OPCML: variants seen among roughly 807,000 people sequenced by gnomAD.
OPCML encodes opioid binding protein/cell adhesion molecule like.
In OPCML, 13 loss-of-function variants were observed where a neutral mutation model predicts 37.8. The ratio of observed to expected loss-of-function variants is 0.34; its 90% CI spans 0.22 to 0.55. The LOEUF (loss-of-function observed/expected upper bound fraction) is 0.55. Among genes scored for constraint, OPCML ranks in the 20% least tolerant of loss-of-function variants. OPCML has a pLI of 0.91. For synonymous variants in OPCML, 176 were observed against 168.8 expected, an observed-to-expected ratio of 1.04 and a Z score of -0.33; for missense variants, 341 against 435.6, an observed-to-expected ratio of 0.78 and a Z score of 1.93.
chr11:133,404,121 C>T (rs1000647612), intron 1 of OPCML, among the ~76,000 whole-genome samples: 5 of 151,808 alleles, frequency 3.3e-5, no homozygotes, highest in Admixed American at 6.6e-5. Flanking sequence ...ACACATGGCT[C>T]CAATCCGGCC....
At chr11:132,542,204 C>T (rs1279537219) in intron 3 of OPCML, among the ~76,000 whole-genome samples, 1 of 152,150 alleles carries the variant, frequency 6.6e-6, no homozygotes, top group Non-Finnish European at 1.5e-5. Flanking sequence ...TAAGCCACTC[C>T]TGGCTGGGGA....
intron 1 of OPCML, among the ~76,000 whole-genome samples, chr11:133,068,356 T>G (rs962025162): frequency 6.6e-6 from 1 of 152,218 alleles, no homozygotes; most frequent in Non-Finnish European, 1.5e-5. Context: ...TTCACTAGAA[T>G]TTCATTTACA....
At chr11:133,387,218 T>C (rs1945074289) in intron 1 of OPCML, among the ~76,000 whole-genome samples, 1 of 152,166 alleles carries the variant, frequency 6.6e-6, no homozygotes, top group Non-Finnish European at 1.5e-5. Flanking sequence ...CTATCTCACA[T>C]TTTGTACTCT....
intron 1 of OPCML, among the ~76,000 whole-genome samples, chr11:133,263,704 G>C (rs1035188465): frequency 6.6e-6 from 1 of 152,204 alleles, no homozygotes; most frequent in African/African-American, 2.4e-5. Flanking sequence ...CAACTGGCCA[G>C]GGGTGTGACA....
At position 133,028,219 on chromosome 11, in the gene OPCML, T is replaced by C. The variant is rs76126862; in HGVS notation, c.62-85209A>G. 5.9e-3 allele frequency among the ~76,000 whole-genome samples: 893 copies of C among 152,092 alleles called. 6 individuals are homozygous for C. Among genetic ancestry groups the C allele is most frequent in the African/African-American group, 0.02 (845 of 41,474 alleles). ...TTTCTGGAGTCTAATTTCTCAGAAT[T>C]GTTTAAAAGGCACACATGTCTTAAA... is the stretch of plus-strand genomic sequence containing the variant. On this transcript the variant is annotated intron_variant, in intron 1 of 7. Transcript: ENST00000524381.
chr11:132,848,887 T>A (rs748266623), intron 2 of OPCML, among the ~76,000 whole-genome samples: 1 of 152,086 alleles, frequency 6.6e-6, no homozygotes, highest in Non-Finnish European at 1.5e-5. Flanking sequence ...ATCATGCCAA[T>A]GGAAAAGCTT....
chr11:132,454,339 G>A (rs957181805), intron 4 of OPCML, among the ~76,000 whole-genome samples: 4 of 152,180 alleles, frequency 2.6e-5, no homozygotes. Flanking sequence ...ATCCATTCCT[G>A]GGAGATAACT....
Position 132,430,255 on chromosome 11 carries a change from G to A in OPCML, c.916+5831C>T, listed in dbSNP as rs572800169. 4.6e-5 allele frequency among the ~76,000 whole-genome samples: 7 copies of A among 152,182 alleles called. No individual in the cohort carries two copies. The East Asian group carries it at 1.4e-3, about 30-fold the overall frequency. ...TGGGGATAGGTGTAGTTGTGAAGAC[G>A]CCCTAATACAGACATGGAACGAGAA... On this transcript the variant is annotated intron_variant, in intron 7 of 7. Transcript: ENST00000524381.
chr11:132,782,060 C>G (rs79846136), intron 2 of OPCML, among the ~76,000 whole-genome samples: 3,043 of 150,956 alleles, frequency 0.02, 42 homozygotes, highest in Middle Eastern at 0.037. Context: ...ATCTGCAGCC[C>G]CTCTCTTCCA....
chr11:132,733,048 T>C (rs1373081451), intron 2 of OPCML, among the ~76,000 whole-genome samples: 2 of 152,222 alleles, frequency 1.3e-5, no homozygotes, highest in Non-Finnish European at 2.9e-5. Context: ...TTGTTATAAA[T>C]TTTCATTTCT....
chr11:132,809,620 A>T (rs1939211703), intron 2 of OPCML, among the ~76,000 whole-genome samples: 2 of 152,188 alleles, frequency 1.3e-5, no homozygotes, highest in African/African-American at 4.8e-5. Flanking sequence ...CTGATAGCTC[A>T]TTTATTTAAA....
chr11:133,193,226 C>G (rs1176139332), intron 1 of OPCML, among the ~76,000 whole-genome samples: 1 of 152,074 alleles, frequency 6.6e-6, no homozygotes, highest in African/African-American at 2.4e-5. Context: ...TACAATCCCT[C>G]CATTTCTGAA....
At chr11:133,003,634 T>G in intron 1 of OPCML, 2 of 983,278 alleles carry the variant, frequency 2.0e-6, no homozygotes. Context: ...GACCACAATA[T>G]TCTATTGTTT....
At chr11:132,538,937 G>C (rs1301417558) in intron 3 of OPCML, among the ~76,000 whole-genome samples, 4 of 152,048 alleles carry the variant, frequency 2.6e-5, no homozygotes, top group Non-Finnish European at 5.9e-5. Context: ...CTTGAAAACT[G>C]GTATTGAGAT....
At chr11:133,454,931 T>C (rs531393350) in intron 1 of OPCML, among the ~76,000 whole-genome samples, 1 of 152,300 alleles carries the variant, frequency 6.6e-6, no homozygotes, top group East Asian at 1.9e-4. Flanking sequence ...GTTTTTCTCA[T>C]CACTTATTTA....
In OPCML at chr11:132,416,506, T is replaced by C. The variant is rs1452431644; in HGVS notation, c.*3687A>G. On this transcript the variant is annotated 3_prime_UTR_variant, in exon 8 of 8. Coordinates refer to ENST00000524381, the MANE Select transcript of OPCML (RefSeq NM_001012393.5). The stretch of plus-strand genomic sequence containing the variant: ...AATAGAACTTGCTGACTTCTCTTTG[T>C]TGAAGGCAAATTGACTGAATTGATG... The C allele has an allele frequency of 2.0e-5, 3 of 152,214 alleles. No homozygotes were observed. The East Asian group carries it at 5.8e-4, about 29-fold the overall frequency. 9.4% of individuals were successfully genotyped at this position (152,214 alleles called of 1,614,324 possible).
chr11:133,417,376 T>A lies in OPCML; in HGVS notation c.61+114888A>T, dbSNP rs1945791330. Reference sequence around the variant, plus strand: ...TAAAAGGCAGGCATCATTATCTGCATTTTTTCAGATGAAGAAACTAAAATG... The same window carrying A: ...TAAAAGGCAGGCATCATTATCTGCAATTTTTCAGATGAAGAAACTAAAATG... On this transcript the variant is annotated intron_variant, in intron 1 of 7. Coordinates refer to ENST00000524381, the MANE Select transcript of OPCML (RefSeq NM_001012393.5). Among the ~76,000 whole-genome samples, 5 of 152,196 alleles carry A rather than the reference T, an allele frequency of 3.3e-5. 1 individual carries two copies. Among genetic ancestry groups the A allele is most frequent in the African/African-American group, 2.4e-5 (1 of 41,450 alleles).
intron 2 of OPCML, among the ~76,000 whole-genome samples, chr11:132,806,258 C>A (rs1939001141): frequency 6.6e-6 from 1 of 151,882 alleles, no homozygotes; most frequent in South Asian, 2.1e-4. Flanking sequence ...TTAAATCAAA[C>A]CAAAACAATA....
chr11:132,747,142 A>T (rs1294810043), intron 2 of OPCML, among the ~76,000 whole-genome samples: 2 of 152,220 alleles, frequency 1.3e-5, no homozygotes, highest in Non-Finnish European at 2.9e-5. Context: ...ACAGATTATG[A>T]CAAAGTTCCA....
Sources: allele counts gnomAD v4.1 joint callset (sites outside exome capture counted in the v4.1 genomes callset), GRCh38; gene constraint gnomAD v4.1.1; transcripts MANE v1.5; gene names NCBI Gene and HGNC (gene_info 2026-07-23, HGNC 2026-07-21).